Variants in BMPER observed in about 807,000 individuals in gnomAD.
BMPER encodes BMP-binding endothelial regulator protein.
BMPER carries 45 observed loss-of-function variants against 87.3 expected under a neutral mutation model. The observed-to-expected ratio is 0.52, with a 90% CI of 0.41 to 0.66. The LOEUF (loss-of-function observed/expected upper bound fraction) is 0.66. Among genes scored for constraint, BMPER ranks in the 30% least tolerant of loss-of-function variants. The pLI is 0.00. For synonymous variants in BMPER, 326 were observed against 316.2 expected (o/e 1.03, Z -0.33); for missense variants, 784 against 867.5 (o/e 0.90, Z 1.21).
intron 3 of BMPER, among the ~76,000 whole-genome samples, chr7:33,955,150 G>A (rs1785120023): frequency 6.6e-6 from 1 of 152,196 alleles, no homozygotes; most frequent in African/African-American, 2.4e-5. Context: ...GCCTACCTCA[G>A]CCTCCCAAAG....
chr7:34,036,275 C>T (rs1387558892), intron 6 of BMPER, among the ~76,000 whole-genome samples: 1 of 152,162 alleles, frequency 6.6e-6, no homozygotes, highest in Admixed American at 6.6e-5. Context: ...GAAAAGGGCT[C>T]ATTTTCTTCC....
chr7:34,012,925 A>G (rs1288606863), intron 6 of BMPER, among the ~76,000 whole-genome samples: 1 of 151,996 alleles, frequency 6.6e-6, no homozygotes, highest in East Asian at 1.9e-4. Context: ...ATTAAAAAAT[A>G]TAAAAACTTA....
At chr7:34,107,866 CT>C (rs1789863486) in intron 13 of BMPER, among the ~76,000 whole-genome samples, 1 of 152,138 alleles carries the variant, frequency 6.6e-6, no homozygotes, top group African/African-American at 2.4e-5. Context: ...TTCACCATTG[CT>C]GTGTGTACCT....
At chr7:34,144,409 C>T (rs1162858320) in intron 14 of BMPER, among the ~76,000 whole-genome samples, 3 of 150,414 alleles carry the variant, frequency 2.0e-5, no homozygotes, top group African/African-American at 4.9e-5. Flanking sequence ...AGCTTGTAAG[C>T]AAGCCTCTTT....
chr7:34,022,432 G>A (rs62908861), intron 6 of BMPER, among the ~76,000 whole-genome samples: 697 of 119,344 alleles, frequency 5.8e-3, no homozygotes, highest in Non-Finnish European at 7.6e-3. Flanking sequence ...AATCCACGTG[G>A]AAATGGAGAC....
Position 34,096,564 on chromosome 7 carries a change from A to G in BMPER, c.1745+10472A>G, listed in dbSNP as rs74768962. Among the ~76,000 whole-genome samples, 972 of 152,288 alleles carry G rather than the reference A, an allele frequency of 6.4e-3. 6 individuals carry two copies. Among genetic ancestry groups the G allele is most frequent in the Non-Finnish European group, 0.011 (751 of 68,016 alleles). Reference sequence around the variant, plus strand: ...AACACATTGTACTCTGTTTATTCGGAAATCTGAGACTCAGTCTCATTTTTC... The same window carrying G: ...AACACATTGTACTCTGTTTATTCGGGAATCTGAGACTCAGTCTCATTTTTC... On this transcript the variant is annotated intron_variant, in intron 13 of 14. Coordinates refer to ENST00000649409, the MANE Select transcript of BMPER (RefSeq NM_001365308.1).
intron 6 of BMPER, among the ~76,000 whole-genome samples, chr7:33,993,726 T>C (rs2127928904): frequency 1.3e-5 from 2 of 152,320 alleles, no homozygotes; most frequent in East Asian, 3.9e-4. Context: ...TTTTCTGTTC[T>C]GTTTTTTTCC....
In BMPER at chr7:33,905,692, C is replaced by T. The variant is rs780768347; in HGVS notation, c.79C>T (p.Leu27=). The change falls in exon 1 of 15, where the codon CTG becomes TTG. Residue 27 remains leucine (L), a synonymous_variant. Coordinates refer to ENST00000649409, the MANE Select transcript of BMPER (RefSeq NM_001365308.1). ...GCCTGGGATTACGTGCTGCGTCTTG[C>T]TGCTACTCAATTGCTCGGGGGTCCC... ...RSPGITCCVL[L]LLNCSGVPMS... is the part of the protein sequence containing the mutation. The T allele has an allele frequency of 3.3e-5, 53 of 1,613,302 alleles. 1 individual carries two copies. The South Asian group carries it at 5.4e-4, about 16-fold the overall frequency.
At chr7:34,028,026 G>A (rs535631819) in intron 6 of BMPER, among the ~76,000 whole-genome samples, 2 of 152,108 alleles carry the variant, frequency 1.3e-5, no homozygotes, top group Admixed American at 1.3e-4. Context: ...ATATAGCAGA[G>A]AATGGTTCAT....
chr7:33,970,489 C>T (rs1785515394), intron 5 of BMPER, 70 bp downstream of exon 5: 1 of 1,494,056 alleles, frequency 6.7e-7, no homozygotes, highest in Non-Finnish European at 9.3e-7. Context: ...ATCTCCCAAC[C>T]CCTCTTGTTG....
chr7:33,940,833 CAT>C (rs1562643070), intron 3 of BMPER, among the ~76,000 whole-genome samples: 1 of 140,928 alleles, frequency 7.1e-6, no homozygotes, highest in African/African-American at 2.6e-5. Context: ...ATATATATTA[CAT>C]ATATTTATAT....
At chr7:33,959,339 C>T (rs2128615700) in intron 3 of BMPER, among the ~76,000 whole-genome samples, 1 of 151,858 alleles carries the variant, frequency 6.6e-6, no homozygotes, top group Non-Finnish European at 1.5e-5. Flanking sequence ...TTTTTGGTAC[C>T]TCATCTTTGG....
intron 6 of BMPER, among the ~76,000 whole-genome samples, chr7:33,980,410 G>A (rs943039188): frequency 3.3e-5 from 5 of 152,210 alleles, no homozygotes; most frequent in African/African-American, 1.2e-4. Context: ...AAAGTATACT[G>A]AGTGTTGGTT....
At chr7:34,061,912 A>G (rs1585790445) in intron 10 of BMPER, 90 bp from the exon 11 acceptor site, 2 of 1,077,668 alleles carry the variant, frequency 1.9e-6, no homozygotes, top group Admixed American at 2.3e-5. Context: ...TTTATCTTGT[A>G]TTAGATTTTA....
chr7:34,155,459 G>A lies in BMPER; in HGVS notation c.*2186G>A, dbSNP rs1223723759. The A allele has an allele frequency of 6.6e-6, 1 of 152,208 alleles. No homozygotes were observed. The highest frequency in any genetic ancestry group is 1.5e-5 in the Non-Finnish European group (1 of 68,044). 9.4% of individuals were successfully genotyped at this position (152,208 alleles called of 1,614,324 possible). ...ATGGCAGCCAGGATGGGTGAATGATGAAAGCTCTTCTGCATGAGCCGGTTT... is the reference window on the plus strand; with the variant it reads ...ATGGCAGCCAGGATGGGTGAATGATAAAAGCTCTTCTGCATGAGCCGGTTT... On this transcript the variant is annotated 3_prime_UTR_variant, in exon 15 of 15. Coordinates refer to ENST00000649409, the MANE Select transcript of BMPER (RefSeq NM_001365308.1).
intron 3 of BMPER, among the ~76,000 whole-genome samples, chr7:33,964,357 G>A (rs1283753214): frequency 6.6e-6 from 1 of 151,600 alleles, no homozygotes; most frequent in Non-Finnish European, 1.5e-5. Context: ...AGTCTATTTA[G>A]TCAGTCAGAT....
At chr7:33,910,589 G>A (rs7802225) in intron 2 of BMPER, among the ~76,000 whole-genome samples, 100,961 of 152,162 alleles carry the variant, frequency 0.66, 33,741 homozygotes, top group Middle Eastern at 0.82. Flanking sequence ...TTAGTTTGGC[G>A]TACATTTTGT....
chr7:34,076,651 A>T (rs925315572), intron 11 of BMPER, among the ~76,000 whole-genome samples: 2 of 152,216 alleles, frequency 1.3e-5, no homozygotes, highest in African/African-American at 2.4e-5. Flanking sequence ...CTGATGATGC[A>T]TCCATGATCA....
At chr7:33,929,080 T>G (rs1371491082) in intron 2 of BMPER, among the ~76,000 whole-genome samples, 3 of 152,188 alleles carry the variant, frequency 2.0e-5, no homozygotes, top group Non-Finnish European at 2.9e-5. Context: ...TAAAGTCTTT[T>G]TAAATGTTCG....
Sources: gnomAD v4.1 joint callset for allele counts (sites outside exome capture counted in the v4.1 genomes callset) on GRCh38, gnomAD v4.1.1 for gene constraint, MANE v1.5 for transcripts, NCBI Gene and HGNC (gene_info 2026-07-23, HGNC 2026-07-21) for gene names.